The following THYN1 variants were observed in gnomAD, a reference collection of about 807,000 sequenced individuals.
THYN1 encodes the protein thymocyte nuclear protein 1.
In THYN1, 32 loss-of-function variants were observed where a neutral mutation model predicts 30.6. The ratio of observed to expected loss-of-function variants is 1.05; its 90% CI spans 0.79 to 1.40. The LOEUF (loss-of-function observed/expected upper bound fraction) is 1.40, where lower values mean the gene tolerates loss of function less well. Ranked by LOEUF, THYN1 falls within the 40% of genes most tolerant of loss-of-function variation. THYN1 has a pLI of 0.00. For synonymous variants in THYN1, 107 were observed against 90.8 expected, an observed-to-expected ratio of 1.18 and a Z score of -1.01; for missense variants, 259 against 272.6, an observed-to-expected ratio of 0.95 and a Z score of 0.35.
chr11:134,251,520 A>C, intron 1 of THYN1: 1 of 566,504 alleles, frequency 1.8e-6, no homozygotes, highest in South Asian at 2.4e-5. Context: ...TTATCTATTC[A>C]ATAGGGTAAG....
At position 134,251,219 on chromosome 11, in the gene THYN1, C is replaced by G. The variant is rs1164133657; in HGVS notation, c.133G>C (p.Ala45Pro). 35 of 1,614,112 alleles carry G rather than the reference C, an allele frequency of 2.2e-5. No homozygotes were observed. The highest frequency in any genetic ancestry group is 2.9e-5 in the Non-Finnish European group (34 of 1,180,054). ...AGATTCTTCAAACAGTTTTTAGTGG[C>G]TGAAGTCTTCTGAGGGTTGGAGTCC... ...VEDSNPQKTS[A>P]TKNCLKNLSS... The change falls in exon 2 of 7, where the codon GCC (alanine) becomes CCC (proline). Residue 45 changes from alanine to proline, a missense_variant. Ala to Pro is a conservative substitution (Grantham distance 27). Coordinates refer to ENST00000341541, the MANE Select transcript of THYN1 (RefSeq NM_014174.3).
intron 1 of THYN1, chr11:134,251,765 C>G (rs1355103499): frequency 6.5e-6 from 1 of 152,952 alleles, no homozygotes; most frequent in Non-Finnish European, 1.5e-5. Context: ...CCTTCTTGCT[C>G]ACTGTGGCTC....
chr11:134,251,175 C>T lies in THYN1; in HGVS notation c.177G>A (p.Met59Ile). The stretch of plus-strand genomic sequence containing the variant: ...CTAGGCGGCTCTCTGGCTCTGACTT[C>T]ATCAGCCAGTGGCTGCTTAGATTCT... ...CLKNLSSHWL[M>I]KSEPESRLEK... The change falls in exon 2 of 7, where the codon ATG (methionine) becomes ATA (isoleucine). Residue 59 changes from methionine (M) to isoleucine (I), a missense_variant. Met to Ile is a conservative substitution (Grantham distance 10). Transcript: ENST00000341541. The T allele has an allele frequency of 1.2e-6, 2 of 1,614,182 alleles. No individual in the cohort carries two copies. Among genetic ancestry groups the T allele is most frequent in the Non-Finnish European group, 1.7e-6 (2 of 1,180,030 alleles).
Position 134,248,825 on chromosome 11 carries a change from G to C in THYN1, c.615C>G (p.Ile205Met). ...CACTCTTACCCTGGGTCAGGGGCTG[G>C]ATTGATAATCTCTGGCGAGTGAAGA... ...MVLFTRQRLS[I>M]QPLTQEEFDF... The change falls in exon 6 of 7, where the codon ATC becomes ATG. Residue 205 changes from isoleucine to methionine, a missense_variant. Physicochemically the swap from Ile to Met is conservative, Grantham distance 10. Coordinates refer to ENST00000341541, the MANE Select transcript of THYN1 (RefSeq NM_014174.3). 6.2e-7 allele frequency: 1 copy of C among 1,614,210 alleles called. No homozygotes were observed.
rs745646426 is a variant in THYN1 at position 134,248,891 on chromosome 11, TTGA to T, written c.546_548del (p.His182del). The T allele has an allele frequency of 5.7e-5, 92 of 1,614,092 alleles. No homozygotes were observed. Among genetic ancestry groups the T allele is most frequent in the Non-Finnish European group, 7.3e-5 (86 of 1,180,038 alleles). ...AGGGGCCACCAGTAGCTTTGTGAGCTTGATGATAGGATTTGAGCTCAGCCAGGG... is the reference window on the plus strand; with the variant it reads ...AGGGGCCACCAGTAGCTTTGTGAGCTTGATAGGATTTGAGCTCAGCCAGGG... On this transcript the variant is annotated inframe_deletion, in exon 6 of 7. Coordinates refer to ENST00000341541, the MANE Select transcript of THYN1 (RefSeq NM_014174.3).
At chr11:134,251,743 T>C (rs1177832067) in intron 1 of THYN1, 1 of 154,070 alleles carries the variant, frequency 6.5e-6, no homozygotes, top group Non-Finnish European at 1.4e-5. Flanking sequence ...TATTCTCATC[T>C]CATACGTCTT....
rs766589603 is a variant in THYN1 at position 134,248,396 on chromosome 11, C to A, written c.*42G>T. On this transcript the variant is annotated 3_prime_UTR_variant, in exon 7 of 7. Coordinates refer to ENST00000341541, the MANE Select transcript of THYN1 (RefSeq NM_014174.3). ...CTTTTGTCTGAAAAAAGCTTGACTT[C>A]TTTGCAGCAATGTCTCGCCCATTCC... is the stretch of plus-strand genomic sequence containing the variant. 6.8e-6 allele frequency: 11 copies of A among 1,613,464 alleles called. No individual in the cohort carries two copies. In the Admixed American group the frequency reaches 8.3e-5, roughly 12 times the overall value.
Position 134,248,393 on chromosome 11 carries a change from C to T in THYN1, c.*45G>A, listed in dbSNP as rs770267462. The T allele has an allele frequency of 3.0e-5, 48 of 1,613,432 alleles. No individual in the cohort carries two copies. Among genetic ancestry groups the T allele is most frequent in the Non-Finnish European group, 4.1e-5 (48 of 1,179,352 alleles). On this transcript the variant is annotated 3_prime_UTR_variant, in exon 7 of 7. Coordinates refer to ENST00000341541, the MANE Select transcript of THYN1 (RefSeq NM_014174.3). ...CACCTTTTGTCTGAAAAAAGCTTGA[C>T]TTCTTTGCAGCAATGTCTCGCCCAT... is the stretch of plus-strand genomic sequence containing the variant.
chr11:134,249,709 G>T, intron 4 of THYN1, 119 bp downstream of exon 4: 2 of 982,240 alleles, frequency 2.0e-6, no homozygotes, highest in Non-Finnish European at 3.0e-6. Context: ...CTGTAAAAGG[G>T]GGATGGGGTG....
At position 134,253,097 on chromosome 11, in the gene THYN1, C is replaced by A; in HGVS notation, c.-215G>T. ...CGCCATTTCCATCTCGCATAACCTG[C>A]CCCTAAACTCTTCTCGGTTCTGTCC... On this transcript the variant is annotated 5_prime_UTR_variant, in exon 1 of 7. Transcript: ENST00000341541. 7.2e-7 allele frequency: 1 copy of A among 1,382,204 alleles called. No individual in the cohort carries two copies. The highest frequency in any genetic ancestry group is 9.3e-7 in the Non-Finnish European group (1 of 1,074,458). The allele number at this position is 1,382,204 out of a possible 1,614,324, so 85.6% of individuals were successfully genotyped here. A position where few individuals can be genotyped will look rare whatever the true frequency, so the allele number is the denominator to read the frequency against.
chr11:134,249,798 G>A, intron 4 of THYN1, 30 bp downstream of exon 4: 1 of 1,606,508 alleles, frequency 6.2e-7, no homozygotes, highest in Non-Finnish European at 8.5e-7. Context: ...TGGAGGAAAA[G>A]GGATTCACAC....
In THYN1 at chr11:134,250,345, T is replaced by C; in HGVS notation, c.223-2A>G. 6.2e-7 allele frequency: 1 copy of C among 1,614,150 alleles called. No individual in the cohort carries two copies. The highest frequency in any genetic ancestry group is 8.5e-7 in the Non-Finnish European group (1 of 1,180,006). On this transcript the variant is annotated splice_acceptor_variant, in intron 2 of 6. Coordinates refer to ENST00000341541, the MANE Select transcript of THYN1 (RefSeq NM_014174.3). LOFTEE classifies it high-confidence loss of function. The stretch of plus-strand genomic sequence containing the variant: ...TGCTTTGAGATCCTCAATGCTGAAC[T>C]AGGCAAGAGGAAATAAATTCAATCA...
At chr11:134,251,002 T>G in intron 2 of THYN1, 128 bp downstream of exon 2, 3 of 1,115,378 alleles carry the variant, frequency 2.7e-6, no homozygotes, top group South Asian at 3.6e-5. Context: ...CCTGCCGATT[T>G]TATTCATTTT....
intron 2 of THYN1, among the ~76,000 whole-genome samples, chr11:134,250,686 G>A (rs1939007699): frequency 6.6e-6 from 1 of 152,080 alleles, no homozygotes; most frequent in African/African-American, 2.4e-5. Flanking sequence ...ATCAACTGTT[G>A]GCAGGGAGAC....
chr11:134,249,110 G>T, intron 5 of THYN1, 57 bp downstream of exon 5: 1 of 1,573,220 alleles, frequency 6.4e-7, no homozygotes, highest in Non-Finnish European at 8.7e-7. Context: ...CACCCCAACC[G>T]TCTTCTTCCC....
At chr11:134,252,548 C>G (rs753089660) in intron 1 of THYN1, among the ~76,000 whole-genome samples, 2 of 152,198 alleles carry the variant, frequency 1.3e-5, no homozygotes, top group Non-Finnish European at 2.9e-5. Context: ...TGAACCCCAT[C>G]ACATCTGTTT....
rs1297327823 is a variant in THYN1 at position 134,252,840 on chromosome 11, C to G, written c.43G>C (p.Asp15His). The change falls in exon 1 of 7, where the codon GAC becomes CAC. Residue 15 changes from aspartate (D) to histidine (H), a missense_variant and splice_region_variant. Transcript: ENST00000341541. ...TTTGTGCAGCCTAGGGGCAGCTCAC[C>G]TGAACCAGAAGTCCCAGCCAGCCTC... ...RKRLAGTSGS[D>H]KGLSGKRTKT... 1 of 1,612,878 alleles carries G rather than the reference C, an allele frequency of 6.2e-7. No individual in the cohort carries two copies. Among genetic ancestry groups the G allele is most frequent in the African/African-American group, 1.3e-5 (1 of 74,796 alleles).
At chr11:134,252,199 C>G (rs982207211) in intron 1 of THYN1, among the ~76,000 whole-genome samples, 1 of 152,128 alleles carries the variant, frequency 6.6e-6, no homozygotes, top group East Asian at 1.9e-4. Flanking sequence ...GCTCTGAACC[C>G]AGCATACCTT....
chr11:134,253,268 T>C lies in THYN1; in HGVS notation c.-386A>G, dbSNP rs538375554. 23 of 1,345,804 alleles carry C rather than the reference T, an allele frequency of 1.7e-5. No homozygotes were observed. The South Asian group carries it at 3.7e-4, about 21-fold the overall frequency. 83.4% of individuals were successfully genotyped at this position (1,345,804 alleles called of 1,614,324 possible). ...ATTAGGATCAACTGAATGGATAATC[T>C]AGATGATGAAGTAATTTGCTGGCTA... is the stretch of plus-strand genomic sequence containing the variant. On this transcript the variant is annotated 5_prime_UTR_variant, in exon 1 of 7. Transcript: ENST00000341541.
Sources: gnomAD v4.1 joint callset for allele counts (sites outside exome capture counted in the v4.1 genomes callset) on GRCh38, gnomAD v4.1.1 for gene constraint, MANE v1.5 for transcripts, NCBI Gene and HGNC (gene_info 2026-07-23, HGNC 2026-07-21) for gene names.